Variants in DSTYK observed in about 807,000 individuals in gnomAD.
The protein encoded by DSTYK is RIP-homologous kinase.
In DSTYK, 34 loss-of-function variants were observed where a neutral mutation model predicts 98.7. The ratio of observed to expected loss-of-function variants is 0.34; its 90% CI spans 0.26 to 0.46. DSTYK has a LOEUF of 0.46. Among genes scored for constraint, DSTYK ranks in the 20% least tolerant of loss-of-function variants. The probability of loss-of-function intolerance (pLI) is 1.00; values close to 1 mark genes in which losing one functional copy is unlikely to be tolerated. For missense variants in DSTYK, 962 were observed against 1,181.7 expected, an observed-to-expected ratio of 0.81 and a Z score of 2.73; for synonymous variants, 462 against 457.3, an observed-to-expected ratio of 1.01 and a Z score of -0.13.
In DSTYK at chr1:205,142,713, G is replaced by A. The variant is rs892002767; in HGVS notation, c.*4845C>T. Reference sequence around the variant, plus strand: ...GAGCCAGGTAGCACAAGAAAGGAGAGAGGATAAAGACTGAAGTGTGTGCCA... The same window carrying A: ...GAGCCAGGTAGCACAAGAAAGGAGAAAGGATAAAGACTGAAGTGTGTGCCA... On this transcript the variant is annotated 3_prime_UTR_variant, in exon 13 of 13. Transcript: ENST00000367162. 2 of 152,248 alleles carry A rather than the reference G, an allele frequency of 1.3e-5. No homozygotes were observed. Among genetic ancestry groups the A allele is most frequent in the African/African-American group, 4.8e-5 (2 of 41,452 alleles). 9.4% of individuals were successfully genotyped at this position (152,248 alleles called of 1,614,324 possible).
At chr1:205,148,179 G>A in intron 12 of DSTYK, 26 bp downstream of exon 12, 1 of 1,613,796 alleles carries the variant, frequency 6.2e-7, no homozygotes, top group Non-Finnish European at 8.5e-7. Context: ...GGGGAGTTAG[G>A]ACAAGGTAGT....
Position 205,211,662 on chromosome 1 carries a change from G to T in DSTYK, c.-127C>A. The T allele has an allele frequency of 7.8e-7, 1 of 1,286,602 alleles. No individual in the cohort carries two copies. Among genetic ancestry groups the T allele is most frequent in the Non-Finnish European group, 1.0e-6 (1 of 982,158 alleles). The allele number at this position is 1,286,602 out of a possible 1,614,324, so 79.7% of individuals were successfully genotyped here. A position where few individuals can be genotyped will look rare whatever the true frequency, so the allele number is the denominator to read the frequency against. On this transcript the variant is annotated 5_prime_UTR_variant, in exon 1 of 13. Transcript: ENST00000367162. ...GACGCCCCCGCCTGCAGTCAGCCTG[G>T]CTCCCAACCTCCGTCACTGCCGTTG...
In DSTYK at chr1:205,207,946, G is replaced by A. The variant is rs776507201; in HGVS notation, c.265+3325C>T. 2.7e-4 allele frequency among the ~76,000 whole-genome samples: 41 copies of A among 151,512 alleles called. 1 individual carries two copies. The highest frequency in any genetic ancestry group is 9.2e-4 in the African/African-American group (38 of 41,210). On this transcript the variant is annotated intron_variant, in intron 1 of 12. Transcript: ENST00000367162. ...GGCTGGAGTGCAATGGCGTGATTTC[G>A]GCTCACCACAACCTCCACCTCCCAC...
intron 3 of DSTYK, among the ~76,000 whole-genome samples, chr1:205,168,428 G>A (rs960222243): frequency 4.6e-5 from 7 of 152,114 alleles, no homozygotes; most frequent in African/African-American, 1.7e-4. Flanking sequence ...ACTGATGCTG[G>A]GTCCCATGTC....
chr1:205,169,107 A>T lies in DSTYK; in HGVS notation c.1324+56T>A. 1 of 1,423,924 alleles carries T rather than the reference A, an allele frequency of 7.0e-7. No individual in the cohort carries two copies. The highest frequency in any genetic ancestry group is 9.5e-7 in the Non-Finnish European group (1 of 1,047,480). 88.2% of individuals were successfully genotyped at this position (1,423,924 alleles called of 1,614,324 possible). ...ATTAACGTTCTTAATTTCCGGCTAG[A>T]AAATGGTTAGAGACTCCTCCCGTGC... On this transcript the variant is annotated intron_variant, in intron 3 of 12. Coordinates refer to ENST00000367162, the MANE Select transcript of DSTYK (RefSeq NM_015375.3). This position sits in a 1 kb window ranked among gnomAD's most constrained non-coding sequence, Gnocchi z 4.0.
chr1:205,202,605 C>T (rs762835529), intron 1 of DSTYK: 37 of 1,114,198 alleles, frequency 3.3e-5, no homozygotes, highest in East Asian at 9.4e-5. Context: ...TTAACCCATA[C>T]GTGAGCTCTC....
Position 205,148,245 on chromosome 1 carries a change from C to T in DSTYK, c.2562G>A (p.Arg854=), listed in dbSNP as rs1358034428. The change falls in exon 12 of 13, where the codon AGG becomes AGA. Residue 854 remains arginine (R), a synonymous_variant. Coordinates refer to ENST00000367162, the MANE Select transcript of DSTYK (RefSeq NM_015375.3). The part of the protein sequence containing the change: ...GSVKLPEAFE[R]CASKDHLWNN... The stretch of plus-strand genomic sequence containing the variant: ...TCCAGAGATGGTCTTTGCTAGCACA[C>T]CTCTCAAATGCCTCAGGGAGCTTGA... The T allele has an allele frequency of 6.2e-7, 1 of 1,614,144 alleles. No homozygotes were observed. The highest frequency in any genetic ancestry group is 1.1e-5 in the South Asian group (1 of 91,088).
Position 205,169,870 on chromosome 1 carries a change from G to T in DSTYK, c.655-38C>A. 1 of 1,555,662 alleles carries T rather than the reference G, an allele frequency of 6.4e-7. No individual in the cohort carries two copies. Among genetic ancestry groups the T allele is most frequent in the South Asian group, 1.2e-5 (1 of 83,064 alleles). ...GGGGGTCATATATCAGCGCCTCAGGGTCAGAACCAATCCCTGTCTCCCCAA... is the reference window on the plus strand; with the variant it reads ...GGGGGTCATATATCAGCGCCTCAGGTTCAGAACCAATCCCTGTCTCCCCAA... On this transcript the variant is annotated intron_variant, in intron 2 of 12. Coordinates refer to ENST00000367162, the MANE Select transcript of DSTYK (RefSeq NM_015375.3). This position sits in a 1 kb window ranked among gnomAD's most constrained non-coding sequence, Gnocchi z 4.0.
intron 10 of DSTYK, among the ~76,000 whole-genome samples, chr1:205,155,573 G>A (rs764046064): frequency 2.0e-5 from 3 of 151,570 alleles, no homozygotes; most frequent in East Asian, 4.0e-4. Flanking sequence ...CAGGAGAATC[G>A]CTTGAACCTG....
intron 1 of DSTYK, among the ~76,000 whole-genome samples, chr1:205,195,080 G>C (rs549555175): frequency 2.5e-4 from 38 of 150,566 alleles, no homozygotes; most frequent in African/African-American, 8.1e-4. Context: ...GCCTGCCTCA[G>C]CCTCCCAAAG....
chr1:205,176,239 A>T (rs988099794), intron 2 of DSTYK, among the ~76,000 whole-genome samples: 1 of 152,186 alleles, frequency 6.6e-6, no homozygotes, highest in African/African-American at 2.4e-5. Context: ...GCATTTAGGG[A>T]GGCCGAGACA....
intron 1 of DSTYK, among the ~76,000 whole-genome samples, chr1:205,210,192 C>T (rs1659330548): frequency 6.6e-6 from 1 of 152,078 alleles, no homozygotes; most frequent in Non-Finnish European, 1.5e-5. Flanking sequence ...CGTGAGCCAC[C>T]GCGCCCGGCC....
At chr1:205,207,594 T>C (rs1471836090) in intron 1 of DSTYK, among the ~76,000 whole-genome samples, 3 of 149,356 alleles carry the variant, frequency 2.0e-5, no homozygotes, top group East Asian at 2.1e-4. Flanking sequence ...CTACTAAAAA[T>C]ACAAAAACAA....
At position 205,206,372 on chromosome 1, in the gene DSTYK, C is replaced by A. The variant is rs189907594; in HGVS notation, c.265+4899G>T. ...TCGGCTCACCAAAACCTCCGCCTCC[C>A]GGGTTCAAGCGATTCTCCTGCCTCA... On this transcript the variant is annotated intron_variant, in intron 1 of 12. Transcript: ENST00000367162. 4.0e-4 allele frequency among the ~76,000 whole-genome samples: 60 copies of A among 151,854 alleles called. 1 individual carries two copies. The East Asian group carries it at 8.7e-3, about 22-fold the overall frequency.
Position 205,169,186 on chromosome 1 carries a change from T to C in DSTYK, c.1301A>G (p.Asp434Gly), listed in dbSNP as rs896450048. The C allele has an allele frequency of 1.9e-6, 3 of 1,603,948 alleles. No individual in the cohort carries two copies. Among genetic ancestry groups the C allele is most frequent in the Non-Finnish European group, 2.6e-6 (3 of 1,174,770 alleles). Residue 434 changes from aspartate to glycine, a missense_variant, in exon 3 of 13, where the codon GAT becomes GGT. Coordinates refer to ENST00000367162, the MANE Select transcript of DSTYK (RefSeq NM_015375.3). The surrounding 1 kb of genome is among the most constrained non-coding windows in gnomAD (Gnocchi z 4.0). ...ACCTTTAAACTCCATGTTAGTAGCA[T>C]CATCCAGAAGTTCCTCCTTCATGGT... ...LNTMKEELLDDATNMEFKDVI... is the reference protein window; with the variant it reads ...LNTMKEELLDGATNMEFKDVI...
rs1657257076 is a variant in DSTYK, at chr1:205,146,994, GCT to G, written c.*562_*563del. The G allele has an allele frequency of 6.6e-6, 1 of 152,418 alleles. No homozygotes were observed. The highest frequency in any genetic ancestry group is 2.1e-4 in the South Asian group (1 of 4,810). 9.4% of individuals were successfully genotyped at this position (152,418 alleles called of 1,614,324 possible). ...ACACTGGCACTATGAGGAACAGATA[GCT>G]CTGTTTCTAGCTCCCTCACTGGGAC... On this transcript the variant is annotated 3_prime_UTR_variant, in exon 13 of 13. Transcript: ENST00000367162.
In DSTYK at chr1:205,211,261, C is replaced by G. The variant is rs765600027; in HGVS notation, c.265+10G>C. ...TCCTGCCCTCTCTCCCTCCGGGCTG[C>G]CCTCCTTACCCGCCTGCAGCCCGGT... On this transcript the variant is annotated intron_variant, in intron 1 of 12. Coordinates refer to ENST00000367162, the MANE Select transcript of DSTYK (RefSeq NM_015375.3). 2 of 1,596,704 alleles carry G rather than the reference C, an allele frequency of 1.3e-6. No homozygotes were observed. The highest frequency in any genetic ancestry group is 1.7e-6 in the Non-Finnish European group (2 of 1,173,096).
chr1:205,162,889 G>T, intron 5 of DSTYK, 34 bp downstream of exon 5: 10 of 1,516,778 alleles, frequency 6.6e-6, no homozygotes, highest in Middle Eastern at 1.7e-4. Flanking sequence ...CCAACTAGGG[G>T]CTTTGAAATC....
chr1:205,160,080 CT>C, intron 8 of DSTYK, 33 bp downstream of exon 8: 1 of 1,612,018 alleles, frequency 6.2e-7, no homozygotes, highest in African/African-American at 1.3e-5. Context: ...TTCTCTGGAT[CT>C]TTCTCATAGA....
Sources: gnomAD v4.1 joint callset for allele counts (sites outside exome capture counted in the v4.1 genomes callset) on GRCh38, gnomAD v4.1.1 for gene constraint, Gnocchi (gnomAD v3.1) non-coding constraint, MANE v1.5 for transcripts, NCBI Gene and HGNC (gene_info 2026-07-23, HGNC 2026-07-21) for gene names.